The following HMCN2 variants were observed in gnomAD, a reference collection of about 807,000 sequenced individuals.
The protein encoded by HMCN2 is hemicentin 2.
A neutral mutation model predicts 377.5 loss-of-function variants in HMCN2; 325 were observed. That is an observed-to-expected ratio of 0.86 (90% CI 0.79 to 0.94). HMCN2 has a LOEUF of 0.94. Among genes scored for constraint, HMCN2 ranks in the 40% least tolerant of loss-of-function variants. The pLI is 0.00. For missense variants in HMCN2, 4,543 were observed against 4,725.3 expected, an observed-to-expected ratio of 0.96 and a Z score of 1.13; for synonymous variants, 2,007 against 2,046.8, an observed-to-expected ratio of 0.98 and a Z score of 0.53.
At position 130,418,958 on chromosome 9, in the gene HMCN2, A is replaced by G; in HGVS notation, c.13148A>G (p.Glu4383Gly). The G allele has an allele frequency of 2.0e-6, 3 of 1,533,898 alleles. No homozygotes were observed. Among genetic ancestry groups the G allele is most frequent in the African/African-American group, 1.4e-5 (1 of 72,618 alleles). Residue 4383 changes from glutamate to glycine, a missense_variant, in exon 86 of 98, where the codon GAG becomes GGG. This residue lies in a region of HMCN2 where 1,155 missense variants were observed against 1,157.7 expected (regional missense o/e 1.00). Transcript: ENST00000683500. Reference protein sequence around the residue: ...PDGSLWLENVETGDAGTYDCV... With the variant: ...PDGSLWLENVGTGDAGTYDCV... ...GGGAGCCTGTGGCTGGAGAACGTGG[A>G]GACTGGGGATGCAGGCACCTACGAC...
chr9:130,419,174 G>C (rs1450696420), intron 86 of HMCN2, 133 bp downstream of exon 86: 4 of 926,898 alleles, frequency 4.3e-6, no homozygotes, highest in African/African-American at 3.3e-5. Flanking sequence ...TTCATCACAA[G>C]CCCAGAATGA....
Position 130,402,829 on chromosome 9 carries a change from C to T in HMCN2, c.11811C>T (p.Gly3937=). The part of the protein sequence containing the change: ...EIGQALPIHA[G]RYTCSARNSA... ...GGCAGGCCCTCCCCATCCACGCAGG[C>T]CGCTACACCTGCTCAGCCCGCAACT... Residue 3937 remains glycine (G), a synonymous_variant, in exon 78 of 98, where the codon GGC becomes GGT. Transcript: ENST00000683500. 7.8e-7 allele frequency: 1 copy of T among 1,289,806 alleles called. No individual in the cohort carries two copies. Among genetic ancestry groups the T allele is most frequent in the Non-Finnish European group, 1.0e-6 (1 of 988,856 alleles). 79.9% of individuals were successfully genotyped at this position (1,289,806 alleles called of 1,614,324 possible).
rs1240709182 is a variant in HMCN2 at position 130,307,539 on chromosome 9, C to T, written c.2173C>T (p.Pro725Ser). ...GTTGGTGTGTGAGGCATCTGGGGTT[C>T]CCCCGCCCCGAGTCATCTGGTATCG... Reference protein sequence around the residue: ...AVLVCEASGVPPPRVIWYRGG... With the variant: ...AVLVCEASGVSPPRVIWYRGG... The change falls in exon 14 of 98, where the codon CCC (proline) becomes TCC (serine). Residue 725 changes from proline (P) to serine (S), a missense_variant. This residue lies in a region of HMCN2 where 547 missense variants were observed against 189.9 expected (regional missense o/e 2.88). Transcript: ENST00000683500. 2 of 471,038 alleles carry T rather than the reference C, an allele frequency of 4.2e-6. No homozygotes were observed. The highest frequency in any genetic ancestry group is 4.4e-6 in the Non-Finnish European group (1 of 227,050). The allele number at this position is 471,038 out of a possible 1,614,324, so 29.2% of individuals were successfully genotyped here.
intron 86 of HMCN2, among the ~76,000 whole-genome samples, chr9:130,420,471 AAAACAAAAC>A (rs1209435659): frequency 6.7e-6 from 1 of 150,308 alleles, no homozygotes; most frequent in African/African-American, 2.5e-5. Flanking sequence ...TACTGGTAAA[AAAACAAAAC>A]AAAACAAAAC....
chr9:130,278,210 C>T (rs186534731), intron 1 of HMCN2, among the ~76,000 whole-genome samples: 8,031 of 152,172 alleles, frequency 0.053, 303 homozygotes, highest in Non-Finnish European at 0.078. Flanking sequence ...CTGCAAGCTC[C>T]GCCTCCCAGG....
At chr9:130,350,764 C>T (rs956056064) in intron 29 of HMCN2, among the ~76,000 whole-genome samples, 2 of 149,924 alleles carry the variant, frequency 1.3e-5, no homozygotes, top group South Asian at 2.1e-4. Flanking sequence ...GGCATGGTGG[C>T]GGTAGTCTGT....
intron 62 of HMCN2, 86 bp downstream of exon 62, chr9:130,388,626 G>T (rs965676362): frequency 4.2e-6 from 4 of 942,190 alleles, no homozygotes; most frequent in Admixed American, 6.2e-5. Flanking sequence ...GGAAGTTATT[G>T]GTTGTTGATG....
Position 130,266,146 on chromosome 9 carries a change from C to G in HMCN2, c.259+9C>G. On this transcript the variant is annotated intron_variant, in intron 1 of 97. Coordinates refer to ENST00000683500, the MANE Select transcript of HMCN2 (RefSeq NM_001291815.2). ...GCCCTTCCACGACCCAGGTAGCGCC[C>G]CCGCACCCCCGCCCGCCGGGCGCCC... is the stretch of plus-strand genomic sequence containing the variant. 1 of 461,470 alleles carries G rather than the reference C, an allele frequency of 2.2e-6. No homozygotes were observed. The highest frequency in any genetic ancestry group is 1.6e-5 in the South Asian group (1 of 64,392). 28.6% of individuals were successfully genotyped at this position (461,470 alleles called of 1,614,324 possible). A position where few individuals can be genotyped will look rare whatever the true frequency, so the allele number is the denominator to read the frequency against.
intron 19 of HMCN2, among the ~76,000 whole-genome samples, chr9:130,323,799 T>A (rs1484057640): frequency 6.6e-6 from 1 of 151,954 alleles, no homozygotes; most frequent in African/African-American, 2.4e-5. Flanking sequence ...ACTTCCCGGG[T>A]TCAAGCGATT....
rs572099378 is a variant in HMCN2, at chr9:130,432,457, C to T, written c.14796C>T (p.Ile4932=). 2.6e-6 allele frequency: 4 copies of T among 1,551,042 alleles called. No individual in the cohort carries two copies. The highest frequency in any genetic ancestry group is 2.4e-5 in the East Asian group (1 of 40,922). ...QDINECEEES[I]ECGPGQMCFN... is the part of the protein sequence containing the mutation. ...TCAACGAGTGCGAGGAGGAGAGCAT[C>T]GAGTGTGGACCCGGCCAGATGTGCT... Residue 4932 remains isoleucine, a synonymous_variant, in exon 97 of 98, where the codon ATC becomes ATT. Coordinates refer to ENST00000683500, the MANE Select transcript of HMCN2 (RefSeq NM_001291815.2).
intron 86 of HMCN2, among the ~76,000 whole-genome samples, chr9:130,421,523 T>A (rs1844012135): frequency 6.6e-6 from 1 of 152,178 alleles, no homozygotes; most frequent in African/African-American, 2.4e-5. Flanking sequence ...CTGAGAGAGC[T>A]GGCGGTGGCT....
At chr9:130,266,517 T>C (rs952256494) in intron 1 of HMCN2, among the ~76,000 whole-genome samples, 3 of 152,256 alleles carry the variant, frequency 2.0e-5, no homozygotes, top group Non-Finnish European at 4.4e-5. Flanking sequence ...CTTGGGACGC[T>C]ACGAGCCTTT....
chr9:130,294,373 G>A (rs1835990406), intron 4 of HMCN2, among the ~76,000 whole-genome samples: 1 of 152,232 alleles, frequency 6.6e-6, no homozygotes, highest in South Asian at 2.1e-4. Context: ...TCTGTGGACT[G>A]GAAAGAGACC....
chr9:130,330,118 C>G (rs1375790901), intron 22 of HMCN2, among the ~76,000 whole-genome samples: 4 of 152,038 alleles, frequency 2.6e-5, no homozygotes, highest in African/African-American at 9.7e-5. Context: ...CAAAGCTGCC[C>G]TTCTGAAAAC....
rs1382863439 is a variant in HMCN2 at position 130,382,878 on chromosome 9, C to T, written c.8733+12C>T. The T allele has an allele frequency of 1.0e-6, 1 of 985,552 alleles. No individual in the cohort carries two copies. The highest frequency in any genetic ancestry group is 1.2e-6 in the Non-Finnish European group (1 of 829,758). 61.1% of individuals were successfully genotyped at this position (985,552 alleles called of 1,614,324 possible). A position where few individuals can be genotyped will look rare whatever the true frequency, so the allele number is the denominator to read the frequency against. ...GGCAAGTCTTGCAGGTCAGGGCAGC[C>T]CCCTGCACGGGCTAGGGGCAGTGGC... On this transcript the variant is annotated intron_variant, in intron 56 of 97. Coordinates refer to ENST00000683500, the MANE Select transcript of HMCN2 (RefSeq NM_001291815.2).
chr9:130,405,749 G>T (rs1843059336), intron 81 of HMCN2, among the ~76,000 whole-genome samples: 2 of 152,228 alleles, frequency 1.3e-5, no homozygotes. Flanking sequence ...CAGGGCTGGG[G>T]TTATGAAGCA....
At position 130,305,000 on chromosome 9, in the gene HMCN2, G is replaced by A. The variant is rs1554936206; in HGVS notation, c.1814G>A (p.Arg605Gln). The A allele has an allele frequency of 1.1e-5, 5 of 468,450 alleles. No homozygotes were observed. Among genetic ancestry groups the A allele is most frequent in the East Asian group, 1.4e-4 (2 of 14,338 alleles). The allele number at this position is 468,450 out of a possible 1,614,324, so 29.0% of individuals were successfully genotyped here. Residue 605 changes from arginine (R) to glutamine (Q), a missense_variant and splice_region_variant, in exon 11 of 98, where the codon CGA (arginine) becomes CAA (glutamine). This residue lies in a region of HMCN2 where 547 missense variants were observed against 189.9 expected (regional missense o/e 2.88). Coordinates refer to ENST00000683500, the MANE Select transcript of HMCN2 (RefSeq NM_001291815.2). The surrounding 1 kb of genome is among the most constrained non-coding windows in gnomAD (Gnocchi z 4.3). ...VTRASVWLLV[R>Q]EAPQVSIHTS... ...AGGGCATCCGTCTGGCTCCTGGTGC[G>A]AGGTGAGGCTCATCCTGCTGCTGCT...
chr9:130,360,274 G>A lies in HMCN2; in HGVS notation c.5774-154G>A, dbSNP rs1318120045. Reference sequence around the variant, plus strand: ...GCCCACCACACCAGCAGAGTCTGACGGGCTGGCAGCACCCTTGCTTCTCTC... The same window carrying A: ...GCCCACCACACCAGCAGAGTCTGACAGGCTGGCAGCACCCTTGCTTCTCTC... On this transcript the variant is annotated intron_variant, in intron 37 of 97. Transcript: ENST00000683500. The surrounding 1 kb of genome is among the most constrained non-coding windows in gnomAD (Gnocchi z 4.7). Among the ~76,000 whole-genome samples the A allele has an allele frequency of 1.3e-5, 2 of 151,530 alleles. No homozygotes were observed. Among genetic ancestry groups the A allele is most frequent in the African/African-American group, 2.4e-5 (1 of 41,206 alleles).
At chr9:130,289,768 G>T (rs1276746876) in intron 4 of HMCN2, among the ~76,000 whole-genome samples, 1 of 152,136 alleles carries the variant, frequency 6.6e-6, no homozygotes, top group African/African-American at 2.4e-5. Context: ...CTGCTAGGGC[G>T]AGTGCCCAGG....
Sources: gnomAD v4.1 joint callset for allele counts (sites outside exome capture counted in the v4.1 genomes callset) on GRCh38, gnomAD v4.1.1 for gene constraint, gnomAD v4.1.1 regional missense constraint, Gnocchi (gnomAD v3.1) non-coding constraint, MANE v1.5 for transcripts, NCBI Gene and HGNC (gene_info 2026-07-23, HGNC 2026-07-21) for gene names.